The following TCF3 variants were observed in gnomAD, a reference collection of about 807,000 sequenced individuals.
TCF3 encodes the protein transcription factor E2-alpha.
Under a neutral mutation model 72.3 loss-of-function variants are expected in TCF3, and 54 were observed. That is an observed-to-expected ratio of 0.75 (90% CI 0.60 to 0.94). The LOEUF (loss-of-function observed/expected upper bound fraction) is 0.94, where lower values mean the gene tolerates loss of function less well. TCF3 is among the 40% of genes least tolerant of loss of function. TCF3 has a pLI of 0.00. For missense variants in TCF3, 1,078 were observed against 934.4 expected (o/e 1.15, Z -2.00); for synonymous variants, 525 against 412.6 (o/e 1.27, Z -3.30).
chr19:1,609,743 T>C lies in TCF3; in HGVS notation c.*1964A>G, dbSNP rs905604318. On this transcript the variant is annotated 3_prime_UTR_variant, in exon 19 of 19. Coordinates refer to ENST00000262965, the MANE Select transcript of TCF3 (RefSeq NM_003200.5). Reference sequence around the variant, plus strand: ...CCGCCTGGCCTGGACTGGGGGCAGATACCAGGCATTGAGCTGGCCTTGAGG... The same window carrying C: ...CCGCCTGGCCTGGACTGGGGGCAGACACCAGGCATTGAGCTGGCCTTGAGG... 8.8e-6 allele frequency: 2 copies of C among 227,898 alleles called. No homozygotes were observed. Among genetic ancestry groups the C allele is most frequent in the African/African-American group, 2.2e-5 (1 of 44,766 alleles). 14.1% of individuals were successfully genotyped at this position (227,898 alleles called of 1,614,324 possible).
At chr19:1,651,231 CT>C (rs1384782669) in intron 1 of TCF3, 3 of 227,666 alleles carry the variant, frequency 1.3e-5, no homozygotes, top group Non-Finnish European at 2.6e-5. Flanking sequence ...CCAGTCTCGA[CT>C]TTCCCCAGGG....
intron 8 of TCF3, 134 bp downstream of exon 8, chr19:1,623,817 T>A: frequency 1.1e-6 from 1 of 886,374 alleles, no homozygotes; most frequent in Non-Finnish European, 1.7e-6. Flanking sequence ...AGCTCAGATC[T>A]TGGCTCAGAA....
chr19:1,611,930 C>T (rs1290367900), intron 18 of TCF3, 81 bp from the exon 19 acceptor site: 8 of 174,546 alleles, frequency 4.6e-5, no homozygotes, highest in South Asian at 4.2e-4. Flanking sequence ...GGTAGGATGT[C>T]GGGGGGGGGG....
At chr19:1,632,523 C>T in intron 3 of TCF3, 118 bp from the exon 4 acceptor site, 1 of 1,044,960 alleles carries the variant, frequency 9.6e-7, no homozygotes, top group Non-Finnish European at 1.4e-6. Flanking sequence ...GGAACCCTTC[C>T]TAACCCAGCC....
chr19:1,650,051 G>T (rs1346553626), intron 2 of TCF3, 126 bp downstream of exon 2: 1 of 950,040 alleles, frequency 1.1e-6, no homozygotes. Flanking sequence ...AGCCCCACCG[G>T]GGCCTCCCAT....
intron 16 of TCF3, chr19:1,616,557 A>C (rs919544521): frequency 2.6e-5 from 4 of 152,152 alleles, no homozygotes; most frequent in Non-Finnish European, 5.9e-5. Flanking sequence ...AATCTTTATC[A>C]TTCTCATTTT....
chr19:1,627,157 T>C (rs2062985839), intron 6 of TCF3, among the ~76,000 whole-genome samples: 1 of 152,112 alleles, frequency 6.6e-6, no homozygotes. Flanking sequence ...CTGCAGGCCT[T>C]GGCCTCCCTG....
chr19:1,611,907 G>A, intron 18 of TCF3, 58 bp from the exon 19 acceptor site: 5 of 946,730 alleles, frequency 5.3e-6, no homozygotes, highest in Non-Finnish European at 7.2e-6. Flanking sequence ...AAAGATGTGA[G>A]GTGGGAGTGG....
chr19:1,626,671 C>G (rs979281007), intron 6 of TCF3, among the ~76,000 whole-genome samples: 1 of 152,156 alleles, frequency 6.6e-6, no homozygotes, highest in Non-Finnish European at 1.5e-5. Context: ...GTATTCCTGT[C>G]TGTAAAATGG....
chr19:1,632,413 C>G lies in TCF3; in HGVS notation c.146-8G>C. The G allele has an allele frequency of 6.3e-7, 1 of 1,588,002 alleles. No individual in the cohort carries two copies. The highest frequency in any genetic ancestry group is 8.6e-7 in the Non-Finnish European group (1 of 1,167,460). ...TGGGCCGGTCCTCAAGACCTGCAGG[C>G]AGGACAGAGAGAGTTATGGGTCACC... On this transcript the variant is annotated splice_polypyrimidine_tract_variant and splice_region_variant and intron_variant, in intron 3 of 18. Coordinates refer to ENST00000262965, the MANE Select transcript of TCF3 (RefSeq NM_003200.5).
intron 13 of TCF3, 77 bp downstream of exon 13, chr19:1,620,891 C>T: frequency 7.4e-7 from 1 of 1,342,286 alleles, no homozygotes; most frequent in Non-Finnish European, 9.8e-7. Context: ...CCCGCAAAGC[C>T]TTCACAGACC....
chr19:1,642,317 CACAG>C (rs940085286), intron 3 of TCF3, among the ~76,000 whole-genome samples: 11 of 152,010 alleles, frequency 7.2e-5, no homozygotes, highest in Admixed American at 1.3e-4. Context: ...CGCACGCACA[CACAG>C]ACACACACAC....
At chr19:1,639,878 G>A (rs781703914) in intron 3 of TCF3, among the ~76,000 whole-genome samples, 37 of 152,210 alleles carry the variant, frequency 2.4e-4, no homozygotes, top group Non-Finnish European at 4.1e-4. Flanking sequence ...ACAGAAGAGG[G>A]CAGAAGTCAG....
rs959854137 is a variant in TCF3, at chr19:1,619,591, G to T, written c.1168-117C>A. ...GTCCCATCTTCCCCTTCCCCAGGAA[G>T]CTGCATATGCCAGGCATCTGGCGCC... On this transcript the variant is annotated intron_variant, in intron 14 of 18. Transcript: ENST00000262965. 2.0e-5 allele frequency: 29 copies of T among 1,418,128 alleles called. 1 individual carries two copies. The highest frequency in any genetic ancestry group is 7.3e-5 in the Admixed American group (3 of 40,922). 87.8% of individuals were successfully genotyped at this position (1,418,128 alleles called of 1,614,324 possible). A position where few individuals can be genotyped will look rare whatever the true frequency, so the allele number is the denominator to read the frequency against.
intron 5 of TCF3, among the ~76,000 whole-genome samples, chr19:1,630,182 T>A (rs1180360165): frequency 6.6e-6 from 1 of 151,916 alleles, no homozygotes; most frequent in African/African-American, 2.4e-5. Flanking sequence ...ATCGGGGGTA[T>A]GAGGAAGAGG....
rs532440800 is a variant in TCF3, at chr19:1,644,720, G to C, written c.145+1635C>G. On this transcript the variant is annotated intron_variant, in intron 3 of 18. Transcript: ENST00000262965. ...CACACGGCCTACACACCACAGCTCT[G>C]GTTACCCAGGGACCAATCTCACAGT... Among the ~76,000 whole-genome samples the C allele has an allele frequency of 3.3e-5, 5 of 152,274 alleles. No homozygotes were observed. The South Asian group carries it at 1.0e-3, about 32-fold the overall frequency.
intron 3 of TCF3, among the ~76,000 whole-genome samples, chr19:1,642,231 C>T (rs1206462224): frequency 6.6e-6 from 1 of 151,712 alleles, no homozygotes; most frequent in Non-Finnish European, 1.5e-5. Context: ...CGCACAGACA[C>T]GCACGCGCAG....
intron 13 of TCF3, among the ~76,000 whole-genome samples, chr19:1,620,349 G>A (rs2062034913): frequency 1.3e-5 from 2 of 152,046 alleles, no homozygotes. Context: ...CCCTCCTCCT[G>A]TACCTGCCCC....
chr19:1,618,457 C>T (rs1239726439), intron 16 of TCF3, among the ~76,000 whole-genome samples: 1 of 152,154 alleles, frequency 6.6e-6, no homozygotes, highest in African/African-American at 2.4e-5. Flanking sequence ...GGCCAAATCC[C>T]AAGTCCTCCC....
Sources: gnomAD v4.1 joint callset for allele counts (sites outside exome capture counted in the v4.1 genomes callset) on GRCh38, gnomAD v4.1.1 for gene constraint, MANE v1.5 for transcripts, NCBI Gene and HGNC (gene_info 2026-07-23, HGNC 2026-07-21) for gene names.